GRIN2B: variants seen among roughly 807,000 people sequenced by gnomAD.
The protein encoded by GRIN2B is glutamate receptor ionotropic, NMDA 2B.
Under a neutral mutation model 114.5 loss-of-function variants are expected in GRIN2B, and 5 were observed. The ratio of observed to expected loss-of-function variants is 0.04; its 90% CI spans 0.02 to 0.09. The LOEUF (loss-of-function observed/expected upper bound fraction) is 0.09. Among genes scored for constraint, GRIN2B ranks in the 10% least tolerant of loss-of-function variants. GRIN2B has a pLI of 1.00. For missense variants in GRIN2B, 1,108 were observed against 1,943.5 expected, an observed-to-expected ratio of 0.57 and a Z score of 8.08; for synonymous variants, 787 against 745.1, an observed-to-expected ratio of 1.06 and a Z score of -0.92.
In GRIN2B at chr12:13,725,461, G is replaced by C. The variant is rs1027944868; in HGVS notation, c.1010+27856C>G. Among the ~76,000 whole-genome samples the C allele has an allele frequency of 3.3e-5, 5 of 152,016 alleles. 1 individual carries two copies. The South Asian group carries it at 1.0e-3, about 31-fold the overall frequency. On this transcript the variant is annotated intron_variant, in intron 4 of 13. Coordinates refer to ENST00000609686, the MANE Select transcript of GRIN2B (RefSeq NM_000834.5). ...TTCTCCTAGTCATACAGCTGGGGAAGCTAAGGCATATGGTCCCTGTTTTAA... is the reference window on the plus strand; with the variant it reads ...TTCTCCTAGTCATACAGCTGGGGAACCTAAGGCATATGGTCCCTGTTTTAA...
intron 2 of GRIN2B, among the ~76,000 whole-genome samples, chr12:13,899,390 G>GATCTCACATGCTATATCGCTAAGCT (rs1335078069): frequency 1.9e-4 from 21 of 112,048 alleles, no homozygotes; most frequent in Admixed American, 4.2e-4. Context: ...AAAGGAAGTG[G>GATCTCACATGCTATATCGCTAAGCT]GTCAGTGTCA....
intron 4 of GRIN2B, among the ~76,000 whole-genome samples, chr12:13,739,397 AAAAAAG>A: frequency 1.3e-5 from 2 of 149,664 alleles, no homozygotes; most frequent in Admixed American, 6.7e-5. Flanking sequence ...AAAAAAAAAA[AAAAAAG>A]AAGAAAAGGA....
intron 2 of GRIN2B, among the ~76,000 whole-genome samples, chr12:13,932,939 A>T (rs956400268): frequency 6.7e-6 from 1 of 149,172 alleles, no homozygotes; most frequent in African/African-American, 2.5e-5. Flanking sequence ...GTTTGCACTG[A>T]AAAGGGCTTT....
chr12:13,646,283 C>T (rs1406959462), intron 5 of GRIN2B, among the ~76,000 whole-genome samples: 1 of 152,170 alleles, frequency 6.6e-6, no homozygotes. Flanking sequence ...CTTCCTCCAA[C>T]TCTATCTACT....
intron 4 of GRIN2B, among the ~76,000 whole-genome samples, chr12:13,685,019 A>G (rs2136550441): frequency 6.6e-6 from 1 of 152,322 alleles, no homozygotes; most frequent in Non-Finnish European, 1.5e-5. Flanking sequence ...GTGAACTTTC[A>G]GGCCTACTGA....
intron 5 of GRIN2B, among the ~76,000 whole-genome samples, chr12:13,620,165 T>G (rs1591645557): frequency 6.6e-6 from 1 of 151,818 alleles, no homozygotes; most frequent in South Asian, 2.1e-4. Context: ...GCTGAGGAGG[T>G]AAGAGTTATT....
At chr12:13,625,185 A>G (rs1949554312) in intron 5 of GRIN2B, among the ~76,000 whole-genome samples, 1 of 152,224 alleles carries the variant, frequency 6.6e-6, no homozygotes, top group Non-Finnish European at 1.5e-5. Context: ...TCATTGACGG[A>G]CCAGAATTTT....
chr12:13,621,354 C>T (rs1291578600), intron 5 of GRIN2B, among the ~76,000 whole-genome samples: 3 of 151,746 alleles, frequency 2.0e-5, no homozygotes, highest in African/African-American at 7.3e-5. Flanking sequence ...GACAATGTAG[C>T]GAGAAGAACT....
intron 3 of GRIN2B, among the ~76,000 whole-genome samples, chr12:13,844,874 T>A (rs1404590167): frequency 6.6e-6 from 1 of 152,220 alleles, no homozygotes; most frequent in African/African-American, 2.4e-5. Context: ...TATTTTGTTA[T>A]CTTTATCTCC....
intron 3 of GRIN2B, among the ~76,000 whole-genome samples, chr12:13,783,994 C>T (rs896976951): frequency 5.3e-5 from 8 of 151,962 alleles, no homozygotes; most frequent in Admixed American, 2.0e-4. Flanking sequence ...GAGGCCAAGG[C>T]GGGTGGATCA....
chr12:13,644,574 T>C (rs1949746643), intron 5 of GRIN2B, among the ~76,000 whole-genome samples: 1 of 152,164 alleles, frequency 6.6e-6, no homozygotes, highest in African/African-American at 2.4e-5. Flanking sequence ...TTTAAAGCTT[T>C]AAAGCCAGGC....
At chr12:13,577,465 C>T (rs1222125608) in intron 10 of GRIN2B, among the ~76,000 whole-genome samples, 1 of 152,168 alleles carries the variant, frequency 6.6e-6, no homozygotes, top group African/African-American at 2.4e-5. Context: ...TCAAGGCCCC[C>T]ACCCAGAGAT....
chr12:13,906,246 A>G (rs1348103270), intron 2 of GRIN2B, among the ~76,000 whole-genome samples: 1 of 152,016 alleles, frequency 6.6e-6, no homozygotes, highest in Admixed American at 6.6e-5. Context: ...CACTTAACAT[A>G]CTCCATCTTG....
intron 10 of GRIN2B, among the ~76,000 whole-genome samples, chr12:13,576,302 A>G (rs1009321973): frequency 5.9e-5 from 9 of 152,148 alleles, no homozygotes; most frequent in South Asian, 2.1e-4. Flanking sequence ...AATAAAACTT[A>G]CCCCAAGCTG....
intron 4 of GRIN2B, among the ~76,000 whole-genome samples, chr12:13,708,161 T>C (rs1030649804): frequency 6.6e-6 from 1 of 152,044 alleles, no homozygotes; most frequent in African/African-American, 2.4e-5. Flanking sequence ...CACTTCCCAA[T>C]AGAAGTAGTT....
intron 2 of GRIN2B, among the ~76,000 whole-genome samples, chr12:13,918,748 G>A (rs1343056144): frequency 1.3e-5 from 2 of 152,190 alleles, no homozygotes; most frequent in East Asian, 3.9e-4. Context: ...TACACATTAT[G>A]AAGTTGAGGT....
intron 3 of GRIN2B, among the ~76,000 whole-genome samples, chr12:13,778,907 T>C (rs929628367): frequency 3.2e-4 from 33 of 102,270 alleles, no homozygotes; most frequent in African/African-American, 1.0e-3. Context: ...AGGAATTTCT[T>C]TAATTGAGAA....
chr12:13,891,969 T>G (rs1249798649), intron 2 of GRIN2B, among the ~76,000 whole-genome samples: 1 of 152,224 alleles, frequency 6.6e-6, no homozygotes, highest in African/African-American at 2.4e-5. Context: ...ATAAAAATGA[T>G]GGCAATAACT....
At chr12:13,784,995 G>A (rs754056431) in intron 3 of GRIN2B, among the ~76,000 whole-genome samples, 1 of 152,208 alleles carries the variant, frequency 6.6e-6, no homozygotes, top group Non-Finnish European at 1.5e-5. Context: ...TATAACAATA[G>A]CAAACTAACA....
Sources: gnomAD v4.1 joint callset for allele counts (sites outside exome capture counted in the v4.1 genomes callset) on GRCh38, gnomAD v4.1.1 for gene constraint, MANE v1.5 for transcripts, NCBI Gene and HGNC (gene_info 2026-07-23, HGNC 2026-07-21) for gene names.